The following DIP2B variants were observed in gnomAD, a reference collection of about 807,000 sequenced individuals.
DIP2B encodes disco-interacting protein 2 homolog B.
A neutral mutation model predicts 198.0 loss-of-function variants in DIP2B; 76 were observed. That is an observed-to-expected ratio of 0.38 (90% CI 0.32 to 0.46). DIP2B has a LOEUF of 0.46. DIP2B is among the 20% of genes least tolerant of loss of function. DIP2B has a pLI of 0.99. For synonymous variants in DIP2B, 701 were observed against 739.1 expected, an observed-to-expected ratio of 0.95 and a Z score of 0.84; for missense variants, 1,559 against 1,978.4, an observed-to-expected ratio of 0.79 and a Z score of 4.02.
At chr12:50,571,613 C>T (rs1045084523) in intron 1 of DIP2B, among the ~76,000 whole-genome samples, 4 of 122,938 alleles carry the variant, frequency 3.3e-5, no homozygotes, top group Non-Finnish European at 4.8e-5. Flanking sequence ...AGTGCAATGG[C>T]GTGATCTTGG....
intron 1 of DIP2B, among the ~76,000 whole-genome samples, chr12:50,622,347 AG>A (rs1937830126): frequency 6.6e-6 from 1 of 152,232 alleles, no homozygotes; most frequent in South Asian, 2.1e-4. Flanking sequence ...GTATTTTACT[AG>A]GGAAACAGAT....
At chr12:50,588,902 G>A (rs1565835070) in intron 1 of DIP2B, among the ~76,000 whole-genome samples, 1 of 152,006 alleles carries the variant, frequency 6.6e-6, no homozygotes, top group African/African-American at 2.4e-5. Context: ...AAATTTGTTT[G>A]TGCTGGGCGC....
At chr12:50,628,825 C>T (rs1258966891) in intron 2 of DIP2B, among the ~76,000 whole-genome samples, 1 of 152,196 alleles carries the variant, frequency 6.6e-6, no homozygotes, top group Non-Finnish European at 1.5e-5. Context: ...TAGTATTCAG[C>T]ACCCTGTCTC....
At chr12:50,722,612 T>A (rs1939859914) in intron 26 of DIP2B, among the ~76,000 whole-genome samples, 2 of 152,168 alleles carry the variant, frequency 1.3e-5, no homozygotes, top group South Asian at 4.1e-4. Flanking sequence ...TCGTAGAAGA[T>A]CATGTGATAA....
At chr12:50,652,713 G>C (rs901262628) in intron 3 of DIP2B, among the ~76,000 whole-genome samples, 1 of 152,108 alleles carries the variant, frequency 6.6e-6, no homozygotes, top group African/African-American at 2.4e-5. Context: ...GCTTTGGACA[G>C]TAACGACATT....
At chr12:50,705,045 T>G (rs1372315465) in intron 20 of DIP2B, among the ~76,000 whole-genome samples, 1 of 152,166 alleles carries the variant, frequency 6.6e-6, no homozygotes, top group Non-Finnish European at 1.5e-5. Flanking sequence ...AAGCCTGTTC[T>G]CAAAGAGCTC....
At chr12:50,661,112 T>C (rs1414406812) in intron 4 of DIP2B, among the ~76,000 whole-genome samples, 1 of 152,118 alleles carries the variant, frequency 6.6e-6, no homozygotes, top group African/African-American at 2.4e-5. Flanking sequence ...TGAACTTCTC[T>C]AGTGGAAGCT....
At chr12:50,650,779 A>G (rs546494298) in intron 3 of DIP2B, among the ~76,000 whole-genome samples, 4 of 152,336 alleles carry the variant, frequency 2.6e-5, no homozygotes, top group Admixed American at 2.6e-4. Context: ...GAGTGTACAA[A>G]TATCTCTTTG....
At chr12:50,659,622 T>G (rs112211379) in intron 3 of DIP2B, among the ~76,000 whole-genome samples, 20 of 152,274 alleles carry the variant, frequency 1.3e-4, no homozygotes, top group African/African-American at 4.8e-4. Flanking sequence ...GACATTCAAG[T>G]AGAGAGCTGA....
chr12:50,600,916 CACCACCACCACCACCACCACCACT>C (rs1314611031), intron 1 of DIP2B, among the ~76,000 whole-genome samples: 50 of 148,816 alleles, frequency 3.4e-4, no homozygotes, highest in African/African-American at 9.4e-4. Context: ...CCACCACCAC[CACCACCACCACCACCACCACCACT>C]ACCACCACCA....
rs368829342 is a variant in DIP2B at position 50,744,784 on chromosome 12, G to T, written c.4676G>T (p.Arg1559Leu). The change falls in exon 38 of 38, where the codon CGT becomes CTT. Residue 1559 changes from arginine (R) to leucine (L), a missense_variant. By Grantham distance (102) the Arg-to-Leu change is moderately radical (BLOSUM62 -2). Transcript: ENST00000301180. ...GGAGAGAAGCAGAGGATGCACCTCCGTGATAGCTTCCTAGCTGACCAGTTA... is the reference window on the plus strand; with the variant it reads ...GGAGAGAAGCAGAGGATGCACCTCCTTGATAGCTTCCTAGCTGACCAGTTA... ...SRGEKQRMHL[R>L]DSFLADQLDP... The T allele has an allele frequency of 1.4e-5, 23 of 1,614,178 alleles. No individual in the cohort carries two copies. Among genetic ancestry groups the T allele is most frequent in the Non-Finnish European group, 1.9e-5 (22 of 1,180,030 alleles).
At chr12:50,698,572 A>G in intron 18 of DIP2B, 105 bp downstream of exon 18, 1 of 1,357,614 alleles carries the variant, frequency 7.4e-7, no homozygotes, top group Non-Finnish European at 9.9e-7. Flanking sequence ...TTAATTCAGT[A>G]CTTAACGCAT....
chr12:50,559,744 C>CACAA (rs752586373), intron 1 of DIP2B, among the ~76,000 whole-genome samples: 1 of 151,518 alleles, frequency 6.6e-6, no homozygotes, highest in Non-Finnish European at 1.5e-5. Flanking sequence ...CACACACACA[C>CACAA]AATTTCTAGT....
At chr12:50,537,418 T>C (rs1006549478) in intron 1 of DIP2B, among the ~76,000 whole-genome samples, 1 of 151,938 alleles carries the variant, frequency 6.6e-6, no homozygotes, top group Non-Finnish European at 1.5e-5. Flanking sequence ...ATGGCCCAGA[T>C]TTTGAGTTTG....
At chr12:50,543,112 G>C (rs534159334) in intron 1 of DIP2B, among the ~76,000 whole-genome samples, 1 of 151,932 alleles carries the variant, frequency 6.6e-6, no homozygotes, top group Non-Finnish European at 1.5e-5. Context: ...GGGCTCAAGC[G>C]ATTCACTCAC....
At chr12:50,615,296 A>G (rs905631212) in intron 1 of DIP2B, among the ~76,000 whole-genome samples, 5 of 152,100 alleles carry the variant, frequency 3.3e-5, no homozygotes, top group East Asian at 3.8e-4. Context: ...GGCAACATTC[A>G]TAATTAGATG....
intron 1 of DIP2B, among the ~76,000 whole-genome samples, chr12:50,625,233 C>T (rs552331086): frequency 1.3e-5 from 2 of 152,304 alleles, no homozygotes; most frequent in East Asian, 3.8e-4. Flanking sequence ...ATTTCCTGTT[C>T]CTTTTAACCC....
intron 3 of DIP2B, among the ~76,000 whole-genome samples, chr12:50,659,557 G>C (rs1253608291): frequency 6.6e-6 from 1 of 151,900 alleles, no homozygotes; most frequent in Non-Finnish European, 1.5e-5. Context: ...CCTTTGGAGT[G>C]GGGGTAGAAA....
At chr12:50,697,686 C>T (rs569843340) in intron 17 of DIP2B, among the ~76,000 whole-genome samples, 38 of 151,456 alleles carry the variant, frequency 2.5e-4, no homozygotes, top group African/African-American at 8.0e-4. Flanking sequence ...TGTACCACCA[C>T]GCCTGGCTAA....
Sources: gnomAD v4.1 joint callset for allele counts (sites outside exome capture counted in the v4.1 genomes callset) on GRCh38, gnomAD v4.1.1 for gene constraint, MANE v1.5 for transcripts, NCBI Gene and HGNC (gene_info 2026-07-23, HGNC 2026-07-21) for gene names.